Variants in CSMD1 observed in about 807,000 individuals in gnomAD.
CSMD1 encodes the protein CUB and sushi domain-containing protein 1.
Under a neutral mutation model 417.5 loss-of-function variants are expected in CSMD1, and 213 were observed. The observed-to-expected ratio is 0.51, with a 90% CI of 0.46 to 0.57. CSMD1 has a LOEUF of 0.57. Among genes scored for constraint, CSMD1 ranks in the 20% least tolerant of loss-of-function variants. The pLI is 0.00. For synonymous variants in CSMD1, 2,862 were observed against 1,736.8 expected, an observed-to-expected ratio of 1.65 and a Z score of -16.11; for missense variants, 6,923 against 4,529.7, an observed-to-expected ratio of 1.53 and a Z score of -15.17.
chr8:3,061,744 T>C (rs916054967), intron 49 of CSMD1, among the ~76,000 whole-genome samples: 5 of 152,232 alleles, frequency 3.3e-5, no homozygotes, highest in African/African-American at 1.2e-4. Context: ...ATATCTGACA[T>C]CATTGATCAA....
chr8:3,410,517 G>A (rs927248305), intron 12 of CSMD1, among the ~76,000 whole-genome samples: 3 of 152,126 alleles, frequency 2.0e-5, no homozygotes, highest in Non-Finnish European at 4.4e-5. Flanking sequence ...TTTTCTAAGG[G>A]GGAGTTGCCC....
chr8:4,001,442 A>G (rs1815666859), intron 4 of CSMD1, among the ~76,000 whole-genome samples: 1 of 152,170 alleles, frequency 6.6e-6, no homozygotes, highest in Non-Finnish European at 1.5e-5. Context: ...GGTAGTGGAT[A>G]TGAGTTAACT....
At chr8:3,672,282 T>C (rs1370438920) in intron 7 of CSMD1, among the ~76,000 whole-genome samples, 3 of 152,250 alleles carry the variant, frequency 2.0e-5, no homozygotes, top group Admixed American at 6.5e-5. Context: ...GTCTTAACCA[T>C]AAATTAAGAA....
intron 11 of CSMD1, among the ~76,000 whole-genome samples, chr8:3,486,119 T>C (rs1818017144): frequency 6.6e-6 from 1 of 152,212 alleles, no homozygotes; most frequent in South Asian, 2.1e-4. Context: ...TTCAATCTCC[T>C]CTTTCCTTGT....
chr8:3,926,225 T>C (rs1809716991), intron 5 of CSMD1, among the ~76,000 whole-genome samples: 2 of 152,198 alleles, frequency 1.3e-5, no homozygotes, highest in African/African-American at 4.8e-5. Context: ...TGTTGATTTA[T>C]TTCCTCTTTT....
At chr8:3,589,377 G>A (rs1158059885) in intron 8 of CSMD1, among the ~76,000 whole-genome samples, 1 of 56,726 alleles carries the variant, frequency 1.8e-5, no homozygotes, top group Admixed American at 1.9e-4. Flanking sequence ...TAAAGAAAAT[G>A]TGGTGTGTGT....
intron 21 of CSMD1, among the ~76,000 whole-genome samples, chr8:3,357,189 C>G (rs1326704294): frequency 1.3e-5 from 2 of 152,158 alleles, no homozygotes; most frequent in African/African-American, 4.8e-5. Flanking sequence ...GAGGAAAAAT[C>G]AGGAAACTGC....
At chr8:3,679,372 A>C (rs1040493280) in intron 7 of CSMD1, among the ~76,000 whole-genome samples, 4 of 152,174 alleles carry the variant, frequency 2.6e-5, no homozygotes, top group African/African-American at 9.7e-5. Flanking sequence ...AAAAAAAGGC[A>C]GGGGTTGCAA....
intron 3 of CSMD1, among the ~76,000 whole-genome samples, chr8:4,039,721 G>A (rs529040464): frequency 1.4e-4 from 22 of 152,284 alleles, no homozygotes; most frequent in African/African-American, 4.1e-4. Flanking sequence ...AAAAGGGCAA[G>A]ATTTGGCCAA....
At chr8:4,727,447 G>C (rs758140638) in intron 1 of CSMD1, among the ~76,000 whole-genome samples, 1 of 152,160 alleles carries the variant, frequency 6.6e-6, no homozygotes, top group Non-Finnish European at 1.5e-5. Context: ...GCGTAAGATA[G>C]TTCTAAAAGA....
chr8:4,491,394 T>A lies in CSMD1; in HGVS notation c.303-71329A>T, dbSNP rs149248348. Among the ~76,000 whole-genome samples, 56 of 152,166 alleles carry A rather than the reference T, an allele frequency of 3.7e-4. No homozygotes were observed. The East Asian group carries it at 0.01, about 28-fold the overall frequency. ...TCCATTATAGCGATCAGCCCTGGGT[T>A]TGCAATACAGTTAACCTTACGCCCT... On this transcript the variant is annotated intron_variant, in intron 2 of 69. Transcript: ENST00000635120.
At chr8:4,736,130 T>A (rs1480329418) in intron 1 of CSMD1, among the ~76,000 whole-genome samples, 1 of 152,210 alleles carries the variant, frequency 6.6e-6, no homozygotes, top group African/African-American at 2.4e-5. Flanking sequence ...GTGTTTCTTC[T>A]ACTGGATTAA....
intron 1 of CSMD1, among the ~76,000 whole-genome samples, chr8:4,702,722 G>A (rs969385314): frequency 7.2e-5 from 11 of 152,236 alleles, no homozygotes; most frequent in South Asian, 4.1e-4. Flanking sequence ...ATTCTACCGT[G>A]TAGAGTTTCT....
At chr8:3,427,840 G>C (rs929465510) in intron 12 of CSMD1, among the ~76,000 whole-genome samples, 1 of 152,206 alleles carries the variant, frequency 6.6e-6, no homozygotes, top group African/African-American at 2.4e-5. Context: ...CAGCAGAGGA[G>C]GCGTATGCCT....
chr8:3,260,343 G>A (rs1033258765), intron 26 of CSMD1, among the ~76,000 whole-genome samples: 2 of 152,082 alleles, frequency 1.3e-5, no homozygotes, highest in African/African-American at 2.4e-5. Context: ...ATGGGAACCA[G>A]CAGCTGGAGT....
At chr8:4,114,104 C>G (rs149676912) in intron 3 of CSMD1, among the ~76,000 whole-genome samples, 1 of 152,170 alleles carries the variant, frequency 6.6e-6, no homozygotes, top group African/African-American at 2.4e-5. Flanking sequence ...GAAGAAGATG[C>G]CATCTAGGAC....
At chr8:4,336,042 C>T (rs563631641) in intron 3 of CSMD1, among the ~76,000 whole-genome samples, 10 of 152,226 alleles carry the variant, frequency 6.6e-5, no homozygotes, top group African/African-American at 2.4e-4. Flanking sequence ...TTCCAAACTT[C>T]CTCCCTGTCT....
At chr8:3,640,748 G>A (rs1797264784) in intron 7 of CSMD1, among the ~76,000 whole-genome samples, 1 of 152,162 alleles carries the variant, frequency 6.6e-6, no homozygotes, top group African/African-American at 2.4e-5. Flanking sequence ...AACATTCATT[G>A]TACAGGAAGT....
chr8:4,795,334 C>A (rs7005454), intron 1 of CSMD1, among the ~76,000 whole-genome samples: 2 of 125,902 alleles, frequency 1.6e-5, no homozygotes, highest in Non-Finnish European at 3.2e-5. Flanking sequence ...TGCAGTGACA[C>A]GATCTTGGCT....
Sources: gnomAD v4.1 joint callset for allele counts (sites outside exome capture counted in the v4.1 genomes callset) on GRCh38, gnomAD v4.1.1 for gene constraint, MANE v1.5 for transcripts, NCBI Gene and HGNC (gene_info 2026-07-23, HGNC 2026-07-21) for gene names.